Variants in SPECC1 observed in about 807,000 individuals in gnomAD.
The protein encoded by SPECC1 is cytospin-B.
Under a neutral mutation model 104.1 loss-of-function variants are expected in SPECC1, and 62 were observed. The observed-to-expected ratio is 0.60, with a 90% CI of 0.49 to 0.74. The LOEUF (loss-of-function observed/expected upper bound fraction) is 0.74. SPECC1 is among the 30% of genes least tolerant of loss of function. SPECC1 has a pLI of 0.00. For synonymous variants in SPECC1, 513 were observed against 501.6 expected, an observed-to-expected ratio of 1.02 and a Z score of -0.30; for missense variants, 1,306 against 1,310.5, an observed-to-expected ratio of 1.00 and a Z score of 0.05.
At chr17:20,020,788 C>G (rs1161557278) in intron 1 of SPECC1, among the ~76,000 whole-genome samples, 1 of 152,176 alleles carries the variant, frequency 6.6e-6, no homozygotes, top group African/African-American at 2.4e-5. Flanking sequence ...TTATCCCACT[C>G]TCATTCTCTT....
chr17:20,222,121 G>A (rs976983051), intron 4 of SPECC1, among the ~76,000 whole-genome samples: 4 of 151,866 alleles, frequency 2.6e-5, no homozygotes, highest in Non-Finnish European at 5.9e-5. Context: ...ATCACCTGAG[G>A]TCAGGAGTTT....
chr17:20,028,471 C>CA (rs973912598), intron 1 of SPECC1, among the ~76,000 whole-genome samples: 2 of 138,248 alleles, frequency 1.4e-5, no homozygotes, highest in African/African-American at 2.7e-5. Context: ...TCTATCTCTA[C>CA]AAAAAAGAAA....
chr17:20,303,522 A>G (rs1169194916), intron 13 of SPECC1, among the ~76,000 whole-genome samples: 1 of 152,206 alleles, frequency 6.6e-6, no homozygotes, highest in Non-Finnish European at 1.5e-5. Context: ...CTTCAGTGTC[A>G]GGGAAAACCC....
chr17:20,138,271 A>AT (rs1020561880), intron 3 of SPECC1, among the ~76,000 whole-genome samples: 13 of 151,386 alleles, frequency 8.6e-5, no homozygotes, highest in East Asian at 7.8e-4. Context: ...TTGAGTCTTA[A>AT]TTTTTTTTTG....
intron 7 of SPECC1, chr17:20,237,908 A>T: frequency 2.4e-6 from 1 of 416,026 alleles, no homozygotes; most frequent in Non-Finnish European, 3.3e-6. Flanking sequence ...ACTCCTGGCT[A>T]ATTTTGTATT....
intron 2 of SPECC1, among the ~76,000 whole-genome samples, chr17:20,105,105 T>TG (rs1215145229): frequency 2.0e-5 from 3 of 151,036 alleles, no homozygotes; most frequent in Admixed American, 1.3e-4. Flanking sequence ...TTTTTTTCGG[T>TG]GGGGGGGCGG....
Position 20,318,468 on chromosome 17 carries a change from C to G in SPECC1, c.*4403C>G, listed in dbSNP as rs2042066853. On this transcript the variant is annotated 3_prime_UTR_variant, in exon 15 of 15. Coordinates refer to ENST00000395527, the MANE Select transcript of SPECC1 (RefSeq NM_001243439.2). ...GATAAAAACACACATCCCCAGGGGA[C>G]AAGCCATCCAGCGGTGAGGAATCTC... 4.3e-6 allele frequency: 1 copy of G among 231,694 alleles called. No homozygotes were observed. Among genetic ancestry groups the G allele is most frequent in the South Asian group, 1.8e-4 (1 of 5,516 alleles). The allele number at this position is 231,694 out of a possible 1,614,324, so 14.4% of individuals were successfully genotyped here.
At chr17:20,108,424 A>G (rs2048334089) in intron 2 of SPECC1, among the ~76,000 whole-genome samples, 1 of 152,160 alleles carries the variant, frequency 6.6e-6, no homozygotes, top group African/African-American at 2.4e-5. Flanking sequence ...ATTTTTTTAC[A>G]CTTGTGTAAC....
chr17:20,050,486 A>G (rs946386020), intron 1 of SPECC1, among the ~76,000 whole-genome samples: 1 of 152,228 alleles, frequency 6.6e-6, no homozygotes, highest in African/African-American at 2.4e-5. Flanking sequence ...TAAAATGCAA[A>G]TTCAATAAAA....
rs74790706 is a variant in SPECC1 at position 20,114,491 on chromosome 17, G to GT, written c.283+3940dup. ...AGGCGTGAGTCATGGCGCCCAGCCT[G>GT]TTTTTTTTTTTGTTTTTTTTTTTAG... On this transcript the variant is annotated intron_variant, in intron 3 of 14. Transcript: ENST00000395527. 6.5e-3 allele frequency among the ~76,000 whole-genome samples: 874 copies of GT among 134,092 alleles called. 2 individuals carry two copies. The highest frequency in any genetic ancestry group is 6.8e-3 in the Non-Finnish European group (430 of 63,140). The allele number at this position is 134,092 out of a possible 152,430, so 88.0% of individuals were successfully genotyped here. A position where few individuals can be genotyped will look rare whatever the true frequency, so the allele number is the denominator to read the frequency against.
chr17:20,178,659 G>T (rs568137113), intron 3 of SPECC1, among the ~76,000 whole-genome samples: 3 of 152,188 alleles, frequency 2.0e-5, no homozygotes, highest in Non-Finnish European at 2.9e-5. Context: ...TTTTCTGGAA[G>T]GAGTGTCTTG....
chr17:20,060,821 A>G (rs1336314167), intron 1 of SPECC1, among the ~76,000 whole-genome samples: 8 of 152,222 alleles, frequency 5.3e-5, no homozygotes, highest in African/African-American at 1.9e-4. Context: ...TACAAAATAG[A>G]AAAAGATGGA....
intron 3 of SPECC1, among the ~76,000 whole-genome samples, chr17:20,166,364 G>C (rs8080649): frequency 0.58 from 87,629 of 151,924 alleles, 25,902 homozygotes; most frequent in African/African-American, 0.64. Context: ...GGAAGAAAAC[G>C]TCATTACTGT....
At chr17:20,218,380 G>A (rs753573026) in intron 4 of SPECC1, among the ~76,000 whole-genome samples, 24 of 151,988 alleles carry the variant, frequency 1.6e-4, no homozygotes, top group Non-Finnish European at 2.6e-4. Context: ...AAACCCTGGC[G>A]GTCTGGCTCC....
At chr17:20,299,578 A>AAAAAAAAAAAAAAAAAAC (rs2041498954) in intron 13 of SPECC1, among the ~76,000 whole-genome samples, 1 of 117,540 alleles carries the variant, frequency 8.5e-6, no homozygotes, top group African/African-American at 3.1e-5. Flanking sequence ...AAAAAAAAAA[A>AAAAAAAAAAAAAAAAAAC]AGAAAAGAAA....
intron 2 of SPECC1, among the ~76,000 whole-genome samples, chr17:20,103,844 T>A (rs1261393480): frequency 1.3e-5 from 2 of 152,230 alleles, no homozygotes; most frequent in Non-Finnish European, 2.9e-5. Context: ...CTTCAGCCTT[T>A]ACAGCTAACA....
intron 3 of SPECC1, among the ~76,000 whole-genome samples, chr17:20,200,943 G>A (rs1472632989): frequency 1.3e-5 from 2 of 150,998 alleles, no homozygotes; most frequent in Non-Finnish European, 2.9e-5. Flanking sequence ...TGGCTGGATT[G>A]TACATTTCAT....
At chr17:20,282,554 G>C (rs1006681537) in intron 12 of SPECC1, among the ~76,000 whole-genome samples, 7 of 152,282 alleles carry the variant, frequency 4.6e-5, no homozygotes, top group East Asian at 1.9e-4. Flanking sequence ...AAATTCACCT[G>C]GAAGAATAAG....
At chr17:20,182,816 A>T (rs1008510547) in intron 3 of SPECC1, among the ~76,000 whole-genome samples, 1 of 152,234 alleles carries the variant, frequency 6.6e-6, no homozygotes, top group Non-Finnish European at 1.5e-5. Context: ...CCTGTTAAAG[A>T]GAGCTTCCAG....
Sources: allele counts gnomAD v4.1 joint callset (sites outside exome capture counted in the v4.1 genomes callset), GRCh38; gene constraint gnomAD v4.1.1; transcripts MANE v1.5; gene names NCBI Gene and HGNC (gene_info 2026-07-23, HGNC 2026-07-21).